RNF150: variants seen among roughly 807,000 people sequenced by gnomAD.
RNF150 encodes ring finger protein 150.
Under a neutral mutation model 39.3 loss-of-function variants are expected in RNF150, and 24 were observed. That is an observed-to-expected ratio of 0.61 (90% CI 0.44 to 0.86). RNF150 has a LOEUF of 0.86. Ranked by LOEUF, RNF150 falls within the 40% of genes least tolerant of loss-of-function variation. RNF150 has a pLI of 0.00. For missense variants in RNF150, 502 were observed against 587.8 expected, an observed-to-expected ratio of 0.85 and a Z score of 1.51; for synonymous variants, 255 against 227.3, an observed-to-expected ratio of 1.12 and a Z score of -1.10.
At chr4:141,005,807 G>A (rs1462344390) in intron 1 of RNF150, among the ~76,000 whole-genome samples, 2 of 130,048 alleles carry the variant, frequency 1.5e-5, no homozygotes, top group East Asian at 3.9e-4. Flanking sequence ...GGTGGCTCAC[G>A]CCTGTAATCC....
intron 2 of RNF150, among the ~76,000 whole-genome samples, chr4:140,960,567 C>T (rs368023941): frequency 1.3e-5 from 2 of 152,168 alleles, no homozygotes; most frequent in African/African-American, 4.8e-5. Flanking sequence ...ACTCCTACCC[C>T]TGCCCTCTAG....
At position 141,200,831 on chromosome 4, in the gene RNF150, G is replaced by A. The variant is rs773302966; in HGVS notation, c.-6+11963C>T. 2.6e-5 allele frequency among the ~76,000 whole-genome samples: 4 copies of A among 152,234 alleles called. No homozygotes were observed. The East Asian group carries it at 5.8e-4, about 22-fold the overall frequency. ...CTTTTGGTTTTAAAGAAGAACCTTC[G>A]TTTTCAGTTCTGGCTTACCATTGAC... On this transcript the variant is annotated intron_variant, in intron 1 of 7. Coordinates refer to the RNF150 transcript ENST00000420921.
At chr4:140,981,508 C>T (rs369480497) in intron 1 of RNF150, among the ~76,000 whole-genome samples, 2 of 152,082 alleles carry the variant, frequency 1.3e-5, no homozygotes, top group Non-Finnish European at 2.9e-5. Flanking sequence ...TTCCTGACTT[C>T]GAATTTATAT....
intron 6 of RNF150, among the ~76,000 whole-genome samples, chr4:140,899,276 G>A (rs928701271): frequency 1.3e-5 from 2 of 152,156 alleles, no homozygotes; most frequent in African/African-American, 4.8e-5. Context: ...TGTGGCCCAG[G>A]ATTGCTGCAG....
intron 1 of RNF150, among the ~76,000 whole-genome samples, chr4:141,143,062 G>T (rs1245738017): frequency 6.6e-6 from 1 of 151,962 alleles, no homozygotes; most frequent in Non-Finnish European, 1.5e-5. Flanking sequence ...TAGATACGGG[G>T]TTTCACCGTG....
chr4:141,208,247 A>G (rs1728407003), intron 1 of RNF150, among the ~76,000 whole-genome samples: 1 of 152,348 alleles, frequency 6.6e-6, no homozygotes, highest in African/African-American at 2.4e-5. Context: ...CCAGGCTTCC[A>G]GCCCCTGTAC....
At chr4:141,011,621 A>G (rs528635263) in intron 1 of RNF150, among the ~76,000 whole-genome samples, 1 of 152,352 alleles carries the variant, frequency 6.6e-6, no homozygotes, top group African/African-American at 2.4e-5. Context: ...GGACTTGGGT[A>G]ACACCCCAAA....
intron 1 of RNF150, among the ~76,000 whole-genome samples, chr4:141,019,400 CTG>C (rs1735401408): frequency 6.6e-6 from 1 of 151,978 alleles, no homozygotes; most frequent in Admixed American, 6.6e-5. Flanking sequence ...TAAAGTATCA[CTG>C]TCATTCTTTG....
chr4:140,948,772 G>A (rs1392052218), intron 3 of RNF150, among the ~76,000 whole-genome samples: 1 of 152,174 alleles, frequency 6.6e-6, no homozygotes, highest in Non-Finnish European at 1.5e-5. Flanking sequence ...ATTTCAGAGG[G>A]GTTGAATATA....
chr4:140,902,994 C>T (rs776111537), intron 6 of RNF150, among the ~76,000 whole-genome samples: 5 of 152,086 alleles, frequency 3.3e-5, no homozygotes, highest in Non-Finnish European at 4.4e-5. Flanking sequence ...AGAAAGGTGG[C>T]GAGAAGGGCT....
intron 1 of RNF150, among the ~76,000 whole-genome samples, chr4:141,209,642 T>G (rs2111228744): frequency 1.3e-5 from 2 of 152,304 alleles, no homozygotes; most frequent in Admixed American, 1.3e-4. Context: ...TTGATTGGGT[T>G]GCTTGTCTTT....
intron 6 of RNF150, among the ~76,000 whole-genome samples, chr4:140,877,912 T>C (rs371877360): frequency 6.6e-6 from 1 of 152,090 alleles, no homozygotes; most frequent in East Asian, 1.9e-4. Flanking sequence ...AGCATGACTA[T>C]AGCAATCATC....
intron 1 of RNF150, among the ~76,000 whole-genome samples, chr4:141,053,024 T>C (rs565114865): frequency 8.5e-5 from 13 of 152,084 alleles, no homozygotes; most frequent in African/African-American, 3.1e-4. Flanking sequence ...GGGGTAATAA[T>C]AACCACACCC....
chr4:141,078,809 ATATATATAT>A (rs1171347112), intron 1 of RNF150, among the ~76,000 whole-genome samples: 1 of 56,404 alleles, frequency 1.8e-5, no homozygotes, highest in Non-Finnish European at 3.2e-5. Flanking sequence ...AAAAAAAAAA[ATATATATAT>A]ATATATATAT....
At chr4:141,099,356 G>T (rs1250880942) in intron 1 of RNF150, among the ~76,000 whole-genome samples, 2 of 152,050 alleles carry the variant, frequency 1.3e-5, no homozygotes, top group Non-Finnish European at 2.9e-5. Context: ...AGAAGATATT[G>T]ATCAGTTATC....
chr4:141,190,723 G>T (rs1208233654), intron 1 of RNF150, among the ~76,000 whole-genome samples: 1 of 152,194 alleles, frequency 6.6e-6, no homozygotes, highest in Non-Finnish European at 1.5e-5. Context: ...TATTTGGACT[G>T]AAGTATTCAT....
chr4:141,006,194 AATT>A (rs1734862337), intron 1 of RNF150, among the ~76,000 whole-genome samples: 1 of 151,600 alleles, frequency 6.6e-6, no homozygotes, highest in African/African-American at 2.4e-5. Flanking sequence ...GTAGGAAGGA[AATT>A]ATATATATAC....
intron 1 of RNF150, among the ~76,000 whole-genome samples, chr4:141,175,179 C>A (rs1727789219): frequency 6.6e-6 from 1 of 152,196 alleles, no homozygotes; most frequent in South Asian, 2.1e-4. Flanking sequence ...ATAGCTTAGT[C>A]TGGAGCCAGA....
At chr4:141,211,747 A>G (rs764883396) in intron 1 of RNF150, among the ~76,000 whole-genome samples, 21 of 151,880 alleles carry the variant, frequency 1.4e-4, no homozygotes, top group Non-Finnish European at 2.6e-4. Context: ...CTCACATTCC[A>G]TATTCAAAAT....
Sources: allele counts gnomAD v4.1 joint callset (sites outside exome capture counted in the v4.1 genomes callset), GRCh38; gene constraint gnomAD v4.1.1; transcripts MANE v1.5; gene names NCBI Gene and HGNC (gene_info 2026-07-23, HGNC 2026-07-21).